Variants in MACROD2 observed in about 807,000 individuals in gnomAD.
MACROD2 encodes mono-ADP ribosylhydrolase 2.
In MACROD2, 36 loss-of-function variants were observed where a neutral mutation model predicts 70.4. The observed-to-expected ratio is 0.51, with a 90% CI of 0.39 to 0.68. MACROD2 has a LOEUF of 0.68. Ranked by LOEUF, MACROD2 falls within the 30% of genes least tolerant of loss-of-function variation. The probability of loss-of-function intolerance (pLI) is 0.00; values close to 1 mark genes in which losing one functional copy is unlikely to be tolerated. For synonymous variants in MACROD2, 172 were observed against 178.8 expected, an observed-to-expected ratio of 0.96 and a Z score of 0.30; for missense variants, 496 against 538.4, an observed-to-expected ratio of 0.92 and a Z score of 0.78.
At chr20:15,664,425 A>G (rs912632008) in intron 8 of MACROD2, among the ~76,000 whole-genome samples, 7 of 152,236 alleles carry the variant, frequency 4.6e-5, no homozygotes, top group Admixed American at 4.6e-4. Flanking sequence ...AGATCCCTAA[A>G]TTGGGGCAAT....
intron 8 of MACROD2, among the ~76,000 whole-genome samples, chr20:15,854,732 T>A (rs1340516425): frequency 2.0e-5 from 3 of 152,196 alleles, no homozygotes; most frequent in African/African-American, 4.8e-5. Flanking sequence ...CCCAATTTCT[T>A]GTTCTTAATT....
At chr20:14,773,232 G>GA (rs1195771847) in intron 5 of MACROD2, among the ~76,000 whole-genome samples, 1 of 151,920 alleles carries the variant, frequency 6.6e-6, no homozygotes, top group Non-Finnish European at 1.5e-5. Flanking sequence ...TCCCTTAAAA[G>GA]AAAATGAAAA....
intron 5 of MACROD2, among the ~76,000 whole-genome samples, chr20:14,820,174 G>A (rs912596631): frequency 1.6e-4 from 25 of 152,122 alleles, no homozygotes; most frequent in African/African-American, 5.3e-4. Context: ...TTGAAGGAAA[G>A]GGTAAATGTT....
At chr20:14,080,634 A>G (rs2053979776) in intron 2 of MACROD2, among the ~76,000 whole-genome samples, 1 of 152,068 alleles carries the variant, frequency 6.6e-6, no homozygotes. Flanking sequence ...ATTTATGCTT[A>G]AATGGAAAAC....
intron 7 of MACROD2, among the ~76,000 whole-genome samples, chr20:15,440,567 G>T (rs753987111): frequency 6.6e-6 from 1 of 152,150 alleles, no homozygotes; most frequent in Non-Finnish European, 1.5e-5. Context: ...CAGTACATCT[G>T]TCTAGAGTCA....
chr20:14,202,584 G>A (rs545398199), intron 3 of MACROD2, among the ~76,000 whole-genome samples: 1 of 152,226 alleles, frequency 6.6e-6, no homozygotes, highest in South Asian at 2.1e-4. Flanking sequence ...GTTCAAAAGA[G>A]CACACTACTT....
At chr20:15,051,392 GTGTGTGTC>G (rs1329861307) in intron 5 of MACROD2, among the ~76,000 whole-genome samples, 8 of 97,810 alleles carry the variant, frequency 8.2e-5, no homozygotes, top group Non-Finnish European at 1.5e-4. Flanking sequence ...GTGTGTGTGT[GTGTGTGTC>G]ATAGCAGCTG....
At chr20:14,544,147 T>C (rs919317003) in intron 4 of MACROD2, among the ~76,000 whole-genome samples, 5 of 152,116 alleles carry the variant, frequency 3.3e-5, no homozygotes, top group African/African-American at 1.2e-4. Context: ...CACTTTCTGA[T>C]GACTCTTTTC....
At chr20:14,668,374 C>A (rs188859712) in intron 4 of MACROD2, among the ~76,000 whole-genome samples, 1 of 152,072 alleles carries the variant, frequency 6.6e-6, no homozygotes, top group Admixed American at 6.6e-5. Context: ...CTGGATAATT[C>A]GCTCCATTTA....
intron 5 of MACROD2, among the ~76,000 whole-genome samples, chr20:15,067,150 G>A (rs1388154216): frequency 1.3e-5 from 2 of 152,088 alleles, no homozygotes; most frequent in African/African-American, 4.8e-5. Context: ...ATTAAGAAAT[G>A]CAACTAATTT....
intron 5 of MACROD2, among the ~76,000 whole-genome samples, chr20:15,132,410 C>T (rs1327681850): frequency 6.6e-6 from 1 of 151,824 alleles, no homozygotes; most frequent in Non-Finnish European, 1.5e-5. Flanking sequence ...AACTTGATAG[C>T]CAGTTGGTTG....
chr20:14,458,079 TGACA>T (rs1310002651), intron 3 of MACROD2, among the ~76,000 whole-genome samples: 1 of 150,800 alleles, frequency 6.6e-6, no homozygotes, highest in Non-Finnish European at 1.5e-5. Flanking sequence ...CCAGCCTACA[TGACA>T]GAACAAGACT....
intron 5 of MACROD2, among the ~76,000 whole-genome samples, chr20:14,933,639 A>T (rs2074315680): frequency 6.7e-6 from 1 of 149,184 alleles, no homozygotes; most frequent in Non-Finnish European, 1.5e-5. Flanking sequence ...CAAAAAAATA[A>T]AAAAAAAAAG....
At chr20:14,084,818 T>C (rs931769444) in intron 2 of MACROD2, among the ~76,000 whole-genome samples, 55 of 145,090 alleles carry the variant, frequency 3.8e-4, no homozygotes, top group Non-Finnish European at 1.1e-4. Flanking sequence ...TAATAGTTTG[T>C]TACTTAGAAG....
chr20:14,856,145 C>A (rs1257895268), intron 5 of MACROD2, among the ~76,000 whole-genome samples: 1 of 152,118 alleles, frequency 6.6e-6, no homozygotes, highest in Non-Finnish European at 1.5e-5. Flanking sequence ...TCTATGTACA[C>A]AAATTCAGCA....
intron 5 of MACROD2, among the ~76,000 whole-genome samples, chr20:15,041,291 A>G (rs1190433123): frequency 6.6e-6 from 1 of 152,172 alleles, no homozygotes; most frequent in Non-Finnish European, 1.5e-5. Flanking sequence ...GGTCTGAGTA[A>G]TATTCTTCAT....
chr20:14,412,148 G>A (rs979681120), intron 3 of MACROD2, among the ~76,000 whole-genome samples: 29 of 152,098 alleles, frequency 1.9e-4, no homozygotes, highest in African/African-American at 6.0e-4. Flanking sequence ...CGCACTTTCT[G>A]TTTAGCCCAG....
At chr20:15,565,915 G>A (rs2048304410) in intron 8 of MACROD2, among the ~76,000 whole-genome samples, 1 of 151,742 alleles carries the variant, frequency 6.6e-6, no homozygotes, top group African/African-American at 2.4e-5. Flanking sequence ...TGGGTTTGCA[G>A]TTAGGACTCA....
chr20:16,023,494 A>AAC (rs60954659), intron 15 of MACROD2, among the ~76,000 whole-genome samples: 1 of 149,054 alleles, frequency 6.7e-6, no homozygotes, highest in Non-Finnish European at 1.5e-5. Flanking sequence ...AAAAAAAAAA[A>AAC]GAGATGGTGC....
Sources: gnomAD v4.1 joint callset for allele counts (sites outside exome capture counted in the v4.1 genomes callset) on GRCh38, gnomAD v4.1.1 for gene constraint, MANE v1.5 for transcripts, NCBI Gene and HGNC (gene_info 2026-07-23, HGNC 2026-07-21) for gene names.